Variants in ENTPD3 observed in about 807,000 individuals in gnomAD.
The protein encoded by ENTPD3 is ectonucleoside triphosphate diphosphohydrolase 3, also known as CD39 antigen-like 3.
A neutral mutation model predicts 51.2 loss-of-function variants in ENTPD3; 60 were observed. The ratio of observed to expected loss-of-function variants is 1.17; its 90% CI spans 0.95 to 1.45. The LOEUF (loss-of-function observed/expected upper bound fraction) is 1.45, where lower values mean the gene tolerates loss of function less well. Ranked by LOEUF, ENTPD3 falls within the 40% of genes most tolerant of loss-of-function variation. ENTPD3 has a pLI of 0.00. For missense variants in ENTPD3, 593 were observed against 641.1 expected, an observed-to-expected ratio of 0.93 and a Z score of 0.81; for synonymous variants, 221 against 238.4, an observed-to-expected ratio of 0.93 and a Z score of 0.67.
chr3:40,390,216 T>A (rs1955021552), intron 2 of ENTPD3, among the ~76,000 whole-genome samples: 1 of 152,288 alleles, frequency 6.6e-6, no homozygotes, highest in African/African-American at 2.4e-5. Flanking sequence ...TTATTATTAT[T>A]TTTTTAGAGA....
intron 4 of ENTPD3, among the ~76,000 whole-genome samples, chr3:40,403,156 C>T (rs923451843): frequency 3.9e-5 from 6 of 152,056 alleles, no homozygotes; most frequent in Non-Finnish European, 7.4e-5. Context: ...TCTTTCTCAC[C>T]GGGAGACCAA....
At chr3:40,413,030 A>T (rs1007085908) in intron 5 of ENTPD3, among the ~76,000 whole-genome samples, 5 of 152,212 alleles carry the variant, frequency 3.3e-5, no homozygotes, top group Admixed American at 2.6e-4. Flanking sequence ...AACTGAAACC[A>T]TGTAATCTCA....
intron 10 of ENTPD3, 144 bp downstream of exon 10, chr3:40,424,107 T>C: frequency 6.8e-7 from 1 of 1,477,810 alleles, no homozygotes; most frequent in East Asian, 2.4e-5. Context: ...CTTGTGAGTT[T>C]CCCAGAAGAG....
chr3:40,403,803 C>T (rs753493548), intron 4 of ENTPD3, among the ~76,000 whole-genome samples: 5 of 152,026 alleles, frequency 3.3e-5, no homozygotes, highest in Non-Finnish European at 7.4e-5. Context: ...CAGACATTGC[C>T]ACCACATCTG....
chr3:40,415,124 C>T (rs1955716649), intron 6 of ENTPD3, among the ~76,000 whole-genome samples: 1 of 152,114 alleles, frequency 6.6e-6, no homozygotes, highest in African/African-American at 2.4e-5. Context: ...TAACACTAGG[C>T]TATGGGTCTT....
intron 2 of ENTPD3, 122 bp downstream of exon 2, chr3:40,388,219 A>G (rs1230411416): frequency 3.4e-6 from 3 of 875,572 alleles, no homozygotes; most frequent in Non-Finnish European, 5.7e-6. Context: ...TTGGTTTGAG[A>G]CTCAGTACTC....
intron 5 of ENTPD3, among the ~76,000 whole-genome samples, chr3:40,412,568 CA>C (rs984240981): frequency 8.0e-5 from 12 of 150,868 alleles, no homozygotes; most frequent in African/African-American, 2.4e-4. Flanking sequence ...CTTGAAATTT[CA>C]AAAAAAAATT....
chr3:40,400,965 G>A lies in ENTPD3; in HGVS notation c.240G>A (p.Glu80=), dbSNP rs769321937. Residue 80 remains glutamate, a synonymous_variant, in exon 4 of 11, where the codon GAG becomes GAA. Coordinates refer to ENST00000301825, the MANE Select transcript of ENTPD3 (RefSeq NM_001248.4). ...TGTATCAATGGCCAGCAGAAAAAGA[G>A]AATAATACCGGAGTGGTCAGTCAAA... ...VYVYQWPAEK[E]NNTGVVSQTF... is the part of the protein sequence containing the mutation. The A allele has an allele frequency of 6.2e-7, 1 of 1,613,880 alleles. No individual in the cohort carries two copies. Among genetic ancestry groups the A allele is most frequent in the Non-Finnish European group, 8.5e-7 (1 of 1,180,012 alleles).
chr3:40,393,637 T>A (rs1955118303), intron 3 of ENTPD3, among the ~76,000 whole-genome samples: 1 of 145,108 alleles, frequency 6.9e-6, no homozygotes, highest in South Asian at 2.4e-4. Context: ...CCCTCATGAA[T>A]AATGTGAATT....
intron 7 of ENTPD3, among the ~76,000 whole-genome samples, chr3:40,419,223 T>G (rs1206893908): frequency 6.6e-6 from 1 of 152,218 alleles, no homozygotes; most frequent in East Asian, 1.9e-4. Context: ...GCGATTTTAT[T>G]TCTGTAGGAC....
intron 4 of ENTPD3, among the ~76,000 whole-genome samples, chr3:40,408,134 A>G (rs1955545987): frequency 6.6e-6 from 1 of 152,212 alleles, no homozygotes; most frequent in African/African-American, 2.4e-5. Flanking sequence ...ACTGTTACAG[A>G]ATGAGAATCT....
At chr3:40,399,571 G>A (rs1955293609) in intron 3 of ENTPD3, 1 of 152,214 alleles carries the variant, frequency 6.6e-6, no homozygotes, top group Admixed American at 6.5e-5. Context: ...TAACCCAAAG[G>A]TGGTGCGGTG....
In ENTPD3 at chr3:40,411,793, C is replaced by A; in HGVS notation, c.287-19C>A. On this transcript the variant is annotated intron_variant, in intron 4 of 10. Transcript: ENST00000301825. ...TGGTTCCTGGAAATGCTGACAGATG[C>A]TGACTGCTTGCTTTTCAGGCTCTGG... 3.8e-6 allele frequency: 6 copies of A among 1,567,214 alleles called. No individual in the cohort carries two copies. The highest frequency in any genetic ancestry group is 5.2e-6 in the Non-Finnish European group (6 of 1,155,110).
chr3:40,423,734 A>T, intron 9 of ENTPD3, 92 bp from the exon 10 acceptor site: 1 of 1,423,896 alleles, frequency 7.0e-7, no homozygotes, highest in Non-Finnish European at 9.6e-7. Flanking sequence ...ATTATGGGTG[A>T]TAAGATTCTT....
At position 40,425,748 on chromosome 3, in the gene ENTPD3, A is replaced by C. The variant is rs541729237; in HGVS notation, c.1354-1524A>C. ...CATGTCTCTACTAAACATACAAAAA[A>C]TTAGCTGGGTATGGTGGCATGTGCC... On this transcript the variant is annotated intron_variant, in intron 10 of 10. Transcript: ENST00000301825. 2.0e-5 allele frequency among the ~76,000 whole-genome samples: 3 copies of C among 152,016 alleles called. No individual in the cohort carries two copies. In the South Asian group the frequency reaches 6.2e-4, roughly 32 times the overall value.
intron 7 of ENTPD3, among the ~76,000 whole-genome samples, chr3:40,417,267 T>C (rs1955767720): frequency 6.6e-6 from 1 of 152,132 alleles, no homozygotes; most frequent in Admixed American, 6.5e-5. Context: ...TACCTGAAAC[T>C]GGGTAATTTA....
At chr3:40,411,115 A>G (rs1955618150) in intron 4 of ENTPD3, among the ~76,000 whole-genome samples, 1 of 152,060 alleles carries the variant, frequency 6.6e-6, no homozygotes, top group Non-Finnish European at 1.5e-5. Context: ...ACATGGTGAA[A>G]CCGTGTCTCT....
chr3:40,424,750 G>A (rs916352660), intron 10 of ENTPD3: 1 of 702,100 alleles, frequency 1.4e-6, no homozygotes, highest in Non-Finnish European at 2.6e-6. Flanking sequence ...AGGTTCCAGA[G>A]AATTTTCTCA....
Position 40,423,826 on chromosome 3 carries a change from C to T in ENTPD3, c.1216C>T (p.Leu406Phe), listed in dbSNP as rs1340437676. 11 of 1,614,002 alleles carry T rather than the reference C, an allele frequency of 6.8e-6. No homozygotes were observed. The highest frequency in any genetic ancestry group is 8.5e-6 in the Non-Finnish European group (10 of 1,179,922). The part of the protein sequence containing the change: ...WNFCSQNWSQ[L>F]PLLLPKFDEV... ...CTCTCAGATGTTTTAAACCTTTCAG[C>T]TCCCACTGCTGCTCCCCAAATTTGA... The change falls in exon 10 of 11, where the codon CTC (leucine) becomes TTC (phenylalanine). Residue 406 changes from leucine to phenylalanine, a missense_variant and splice_region_variant. Transcript: ENST00000301825.
Sources: gnomAD v4.1 joint callset for allele counts (sites outside exome capture counted in the v4.1 genomes callset) on GRCh38, gnomAD v4.1.1 for gene constraint, MANE v1.5 for transcripts, NCBI Gene and HGNC (gene_info 2026-07-23, HGNC 2026-07-21) for gene names.